PIBF1: variants seen among roughly 807,000 people sequenced by gnomAD.
PIBF1 encodes progesterone-induced-blocking factor 1.
In PIBF1, 90 loss-of-function variants were observed where a neutral mutation model predicts 112.5. The observed-to-expected ratio is 0.80, with a 90% CI of 0.67 to 0.95. PIBF1 has a LOEUF of 0.95. Ranked by LOEUF, PIBF1 falls within the 40% of genes least tolerant of loss-of-function variation. The pLI is 0.00. For missense variants in PIBF1, 915 were observed against 852.3 expected (o/e 1.07, Z -0.92); for synonymous variants, 301 against 288.6 (o/e 1.04, Z -0.44).
At chr13:72,791,016 T>C (rs1398029090) in intron 2 of PIBF1, among the ~76,000 whole-genome samples, 1 of 150,710 alleles carries the variant, frequency 6.6e-6, no homozygotes, top group Non-Finnish European at 1.5e-5. Flanking sequence ...ATGTTATGGA[T>C]TGGCTGTGAA....
At chr13:72,912,687 C>G (rs1378343380) in intron 12 of PIBF1, among the ~76,000 whole-genome samples, 1 of 152,062 alleles carries the variant, frequency 6.6e-6, no homozygotes, top group Non-Finnish European at 1.5e-5. Flanking sequence ...TCATAATAGT[C>G]AAAAACTGAC....
At chr13:72,826,471 G>A (rs2036818195) in intron 6 of PIBF1, among the ~76,000 whole-genome samples, 2 of 152,276 alleles carry the variant, frequency 1.3e-5, no homozygotes, top group Admixed American at 6.5e-5. Context: ...TAAAAAATGT[G>A]TGTTGTAGGT....
chr13:72,864,388 G>T (rs765504711), intron 10 of PIBF1, among the ~76,000 whole-genome samples: 1 of 152,142 alleles, frequency 6.6e-6, no homozygotes, highest in African/African-American at 2.4e-5. Context: ...ATGTTCTTCC[G>T]ATTATTCATC....
intron 9 of PIBF1, among the ~76,000 whole-genome samples, chr13:72,843,902 T>C (rs17089801): frequency 0.1 from 15,682 of 152,220 alleles, 2,303 homozygotes; most frequent in African/African-American, 0.33. Context: ...TTCCCTAGGA[T>C]GCCATTAAAA....
chr13:72,887,884 T>A (rs2138535744), intron 10 of PIBF1, among the ~76,000 whole-genome samples: 1 of 152,248 alleles, frequency 6.6e-6, no homozygotes, highest in African/African-American at 2.4e-5. Context: ...CAAGTTTTTA[T>A]TTTTAAAAGA....
At chr13:72,879,150 T>C (rs2138482971) in intron 10 of PIBF1, among the ~76,000 whole-genome samples, 1 of 152,320 alleles carries the variant, frequency 6.6e-6, no homozygotes, top group Non-Finnish European at 1.5e-5. Context: ...TTCTATTTTT[T>C]CCCTCATTCT....
At chr13:72,844,758 C>CGGATGAAGTCTT (rs1555296165) in intron 9 of PIBF1, among the ~76,000 whole-genome samples, 2 of 125,788 alleles carry the variant, frequency 1.6e-5, no homozygotes, top group South Asian at 2.9e-4. Context: ...CACACACACA[C>CGGATGAAGTCTT]ACACACACAC....
At chr13:72,976,365 A>G (rs1189776478) in intron 16 of PIBF1, among the ~76,000 whole-genome samples, 1 of 152,068 alleles carries the variant, frequency 6.6e-6, no homozygotes, top group Non-Finnish European at 1.5e-5. Flanking sequence ...GAGGGGAGGG[A>G]AGGAGGGAGA....
At chr13:72,960,780 T>G (rs1203324458) in intron 14 of PIBF1, among the ~76,000 whole-genome samples, 1 of 152,232 alleles carries the variant, frequency 6.6e-6, no homozygotes. Flanking sequence ...TTATACAGGT[T>G]AGTAGAACTT....
At chr13:72,965,467 G>T in intron 15 of PIBF1, 63 bp downstream of exon 15, 2 of 1,286,874 alleles carry the variant, frequency 1.6e-6, no homozygotes, top group Non-Finnish European at 2.2e-6. Context: ...TGCTGCTGTA[G>T]GTGAATTTGG....
At chr13:72,973,082 A>C (rs2042937033) in intron 15 of PIBF1, among the ~76,000 whole-genome samples, 1 of 152,222 alleles carries the variant, frequency 6.6e-6, no homozygotes, top group Non-Finnish European at 1.5e-5. Flanking sequence ...ATTCTCAGAC[A>C]GCATCTCAGT....
chr13:72,919,192 A>G (rs979602327), intron 13 of PIBF1, among the ~76,000 whole-genome samples: 1 of 152,234 alleles, frequency 6.6e-6, no homozygotes, highest in Non-Finnish European at 1.5e-5. Context: ...CTATATGGCT[A>G]TCTAAAATGA....
chr13:72,849,779 A>G (rs1566355719), intron 9 of PIBF1, among the ~76,000 whole-genome samples: 1 of 152,186 alleles, frequency 6.6e-6, no homozygotes, highest in Non-Finnish European at 1.5e-5. Context: ...CTGGAGCCAA[A>G]TTGTTTGGGT....
chr13:72,995,722 C>T (rs958268322), intron 16 of PIBF1, among the ~76,000 whole-genome samples: 6 of 151,874 alleles, frequency 4.0e-5, no homozygotes, highest in Non-Finnish European at 7.4e-5. Context: ...GAGGCCGAGG[C>T]GAGTGGATCA....
chr13:72,797,950 G>C lies in PIBF1; in HGVS notation c.596G>C (p.Cys199Ser), dbSNP rs779374083. 1 of 1,607,806 alleles carries C rather than the reference G, an allele frequency of 6.2e-7. No individual in the cohort carries two copies. The highest frequency in any genetic ancestry group is 8.5e-7 in the Non-Finnish European group (1 of 1,177,330). Reference protein sequence around the residue: ...ELVNPLRKEICELQVKKNILA... With the variant: ...ELVNPLRKEISELQVKKNILA... ...GTGAATCCATTAAGAAAGGAAATCT[G>C]TGAACTACAAGTGAAAAAGAATATC... Residue 199 changes from cysteine to serine, a missense_variant, in exon 5 of 18, where the codon TGT becomes TCT. Cys to Ser is a moderately radical substitution (Grantham distance 112). Coordinates refer to ENST00000326291, the MANE Select transcript of PIBF1 (RefSeq NM_006346.4).
intron 11 of PIBF1, among the ~76,000 whole-genome samples, chr13:72,903,156 C>T (rs537358876): frequency 4.6e-5 from 7 of 152,276 alleles, no homozygotes; most frequent in Non-Finnish European, 8.8e-5. Flanking sequence ...GCCTCAGCCT[C>T]CCAAAGTGCT....
chr13:72,994,123 GAAAA>G (rs55880175), intron 16 of PIBF1, among the ~76,000 whole-genome samples: 7 of 149,968 alleles, frequency 4.7e-5, no homozygotes, highest in African/African-American at 7.4e-5. Flanking sequence ...AAAAAAAAAA[GAAAA>G]AAAAAGGGAG....
intron 6 of PIBF1, 149 bp downstream of exon 6, chr13:72,822,131 T>TTAA: frequency 1.7e-6 from 1 of 602,012 alleles, no homozygotes; most frequent in Middle Eastern, 4.7e-4. Context: ...TTTGTTGGGT[T>TTAA]TATATTGTAT....
At chr13:72,948,045 AG>A (rs1354155294) in intron 14 of PIBF1, among the ~76,000 whole-genome samples, 1 of 151,874 alleles carries the variant, frequency 6.6e-6, no homozygotes, top group East Asian at 1.9e-4. Flanking sequence ...ACATGGACAC[AG>A]GGAGGGGAAC....
Sources: allele counts gnomAD v4.1 joint callset (sites outside exome capture counted in the v4.1 genomes callset), GRCh38; gene constraint gnomAD v4.1.1; transcripts MANE v1.5; gene names NCBI Gene and HGNC (gene_info 2026-07-23, HGNC 2026-07-21).